Variants in RBM33 observed in about 807,000 individuals in gnomAD.
The protein encoded by RBM33 is RNA-binding protein 33.
In RBM33, 28 loss-of-function variants were observed where a neutral mutation model predicts 132.6. That is an observed-to-expected ratio of 0.21 (90% CI 0.16 to 0.29). The LOEUF is 0.29. Among genes scored for constraint, RBM33 ranks in the 10% least tolerant of loss-of-function variants. The probability of loss-of-function intolerance (pLI) is 1.00; values close to 1 mark genes in which losing one functional copy is unlikely to be tolerated. For missense variants in RBM33, 1,291 were observed against 1,518.5 expected (o/e 0.85, Z 2.49); for synonymous variants, 634 against 593.0 (o/e 1.07, Z -1.01).
rs547314906 is a variant in RBM33, at chr7:155,700,186, A to G, written c.568-587A>G. On this transcript the variant is annotated intron_variant, in intron 5 of 17. Coordinates refer to ENST00000401878, the MANE Select transcript of RBM33 (RefSeq NM_053043.3). ...GAAGAAAAAAAGTTTCTCCTTTTCA[A>G]TAGTCTCAGTCAAAGATAGTGATAA... Among the ~76,000 whole-genome samples, 5 of 152,372 alleles carry G rather than the reference A, an allele frequency of 3.3e-5. No homozygotes were observed. In the South Asian group the frequency reaches 6.2e-4, roughly 19 times the overall value.
chr7:155,727,793 G>A (rs1585495338), intron 9 of RBM33, among the ~76,000 whole-genome samples: 1 of 152,192 alleles, frequency 6.6e-6, no homozygotes, highest in South Asian at 2.1e-4. Context: ...CTGAGACAGG[G>A]TTCACTTTGT....
intron 6 of RBM33, among the ~76,000 whole-genome samples, chr7:155,701,813 G>A (rs572026175): frequency 1.7e-3 from 262 of 152,196 alleles, no homozygotes; most frequent in Middle Eastern, 6.8e-3. Context: ...TCAGCCTCCC[G>A]AGTAGCTGGG....
At chr7:155,683,750 A>G (rs1799399321) in intron 5 of RBM33, among the ~76,000 whole-genome samples, 1 of 152,216 alleles carries the variant, frequency 6.6e-6, no homozygotes. Flanking sequence ...AAAATATTAG[A>G]AAATGGTTGA....
intron 8 of RBM33, among the ~76,000 whole-genome samples, chr7:155,716,315 T>C (rs966014139): frequency 7.6e-6 from 1 of 131,464 alleles, no homozygotes; most frequent in Non-Finnish European, 1.6e-5. Flanking sequence ...CCTTTTCTGC[T>C]GTTTTTTTTT....
rs116589886 is a variant in RBM33 at position 155,752,187 on chromosome 7, T to C, written c.2979+6585T>C. Among the ~76,000 whole-genome samples, 448 of 152,342 alleles carry C rather than the reference T, an allele frequency of 2.9e-3. 4 individuals carry two copies. The highest frequency in any genetic ancestry group is 0.01 in the African/African-American group (423 of 41,578). Reference sequence around the variant, plus strand: ...GAGCTCACCTTGTTCTTTCTCTGTATGGGCTCTGGAATTGGTCCTGCTTCT... The same window carrying C: ...GAGCTCACCTTGTTCTTTCTCTGTACGGGCTCTGGAATTGGTCCTGCTTCT... On this transcript the variant is annotated intron_variant, in intron 14 of 17. Transcript: ENST00000401878.
At chr7:155,692,240 A>G (rs1175892487) in intron 5 of RBM33, among the ~76,000 whole-genome samples, 1 of 152,140 alleles carries the variant, frequency 6.6e-6, no homozygotes, top group Admixed American at 6.5e-5. Flanking sequence ...ACCTACTTTA[A>G]TATTAACAGA....
At chr7:155,730,767 G>A (rs552226943) in intron 9 of RBM33, among the ~76,000 whole-genome samples, 1 of 152,248 alleles carries the variant, frequency 6.6e-6, no homozygotes, top group East Asian at 1.9e-4. Context: ...AGAATTTTCG[G>A]GGCTTTGTTA....
At chr7:155,680,561 C>CTTTTTTTTTTTTT in intron 4 of RBM33, 29 bp from the exon 5 acceptor site, 3 of 1,097,530 alleles carry the variant, frequency 2.7e-6, no homozygotes, top group Non-Finnish European at 3.7e-6. Context: ...TCATTGGGTG[C>CTTTTTTTTTTTTT]TTTTTTTTTT....
At position 155,781,203 on chromosome 7, in the gene RBM33, G is replaced by GCTC. The variant is rs1802822203; in HGVS notation, c.*6162_*6163insCTC. 1 of 152,644 alleles carries GCTC rather than the reference G, an allele frequency of 6.6e-6. No individual in the cohort carries two copies. The highest frequency in any genetic ancestry group is 1.5e-5 in the Non-Finnish European group (1 of 68,124). 9.5% of individuals were successfully genotyped at this position (152,644 alleles called of 1,614,324 possible). On this transcript the variant is annotated 3_prime_UTR_variant, in exon 18 of 18. Transcript: ENST00000401878. The stretch of plus-strand genomic sequence containing the variant: ...GGAAATTGAGACATGGAGAGATGAC[G>GCTC]GGAGTGCGTTTCTCTGGGTTTGATC...
intron 9 of RBM33, among the ~76,000 whole-genome samples, chr7:155,725,042 A>AT (rs955139187): frequency 2.8e-5 from 4 of 140,510 alleles, no homozygotes; most frequent in African/African-American, 2.7e-5. Context: ...GTGTGTACAG[A>AT]TTTTTTTTGT....
chr7:155,746,978 A>G (rs1221001791), intron 14 of RBM33, among the ~76,000 whole-genome samples: 1 of 152,234 alleles, frequency 6.6e-6, no homozygotes, highest in Non-Finnish European at 1.5e-5. Context: ...GTGCTTAAGA[A>G]TAACTCATTT....
intron 6 of RBM33, chr7:155,701,395 T>G: frequency 1.2e-5 from 2 of 173,620 alleles, no homozygotes; most frequent in Non-Finnish European, 1.2e-5. Flanking sequence ...TTTTCTGCAG[T>G]TCCTCTGACT....
rs576814591 is a variant in RBM33, at chr7:155,749,613, A to T, written c.2979+4011A>T. On this transcript the variant is annotated intron_variant, in intron 14 of 17. Coordinates refer to ENST00000401878, the MANE Select transcript of RBM33 (RefSeq NM_053043.3). ...TCCTAGGATAATGATGATGATGATG[A>T]TGATGGTTAGGTTTCATTTTGGTTG... 3.9e-5 allele frequency among the ~76,000 whole-genome samples: 6 copies of T among 152,332 alleles called. No homozygotes were observed. In the South Asian group the frequency reaches 1.2e-3, roughly 32 times the overall value.
chr7:155,649,945 A>G (rs909823782), intron 1 of RBM33, among the ~76,000 whole-genome samples: 1 of 152,132 alleles, frequency 6.6e-6, no homozygotes, highest in African/African-American at 2.4e-5. Context: ...GGTTCTTTCA[A>G]GTTGTTTTCT....
At position 155,738,093 on chromosome 7, in the gene RBM33, T is replaced by C. The variant is rs1801187561; in HGVS notation, c.1427T>C (p.Phe476Ser). 6.2e-7 allele frequency: 1 copy of C among 1,613,550 alleles called. No homozygotes were observed. The highest frequency in any genetic ancestry group is 1.3e-5 in the African/African-American group (1 of 74,894). Reference sequence around the variant, plus strand: ...GAACCAAGATTCCCGAGCCATCTTTTTCTGGAACAGCGAAGTCCCCCTCCA... The same window carrying C: ...GAACCAAGATTCCCGAGCCATCTTTCTCTGGAACAGCGAAGTCCCCCTCCA... ...SGEPRFPSHL[F>S]LEQRSPPPPP... is the part of the protein sequence containing the mutation. The change falls in exon 11 of 18, where the codon TTT (phenylalanine) becomes TCT (serine). Residue 476 changes from phenylalanine (F) to serine (S), a missense_variant. By Grantham distance (155) the Phe-to-Ser change is radical. This residue lies in a region of RBM33 where 841 missense variants were observed against 912.0 expected (regional missense o/e 0.92). Transcript: ENST00000401878.
chr7:155,767,947 A>G (rs552027599), intron 16 of RBM33, among the ~76,000 whole-genome samples: 59 of 152,248 alleles, frequency 3.9e-4, no homozygotes, highest in Non-Finnish European at 8.1e-4. Context: ...ATTCTGGTCC[A>G]GTAACTGTGT....
At chr7:155,663,439 A>G (rs945287669) in intron 1 of RBM33, among the ~76,000 whole-genome samples, 3 of 151,964 alleles carry the variant, frequency 2.0e-5, no homozygotes, top group African/African-American at 4.8e-5. Context: ...CTTACCTTAC[A>G]TGGCAAAAGA....
At chr7:155,736,981 A>ACAC in intron 9 of RBM33, among the ~76,000 whole-genome samples, 1 of 152,166 alleles carries the variant, frequency 6.6e-6, no homozygotes, top group Non-Finnish European at 1.5e-5. Context: ...TTTTTATGTT[A>ACAC]ATATGTGTGG....
intron 14 of RBM33, chr7:155,746,278 G>GTC (rs1801514054): frequency 6.6e-6 from 1 of 152,490 alleles, no homozygotes; most frequent in Non-Finnish European, 1.5e-5. Flanking sequence ...GACAGTGGGA[G>GTC]TGGTGGGCAG....
Sources: gnomAD v4.1 joint callset for allele counts (sites outside exome capture counted in the v4.1 genomes callset) on GRCh38, gnomAD v4.1.1 for gene constraint, gnomAD v4.1.1 regional missense constraint, MANE v1.5 for transcripts, NCBI Gene and HGNC (gene_info 2026-07-23, HGNC 2026-07-21) for gene names.